Variants in MYT1L observed in about 807,000 individuals in gnomAD.
MYT1L encodes myelin transcription factor 1 like.
In MYT1L, 12 loss-of-function variants were observed where a neutral mutation model predicts 126.7. That is an observed-to-expected ratio of 0.09 (90% CI 0.06 to 0.15). The LOEUF is 0.15. MYT1L is among the 10% of genes least tolerant of loss of function. The pLI is 1.00. For synonymous variants in MYT1L, 541 were observed against 604.2 expected (o/e 0.90, Z 1.53); for missense variants, 979 against 1,585.2 (o/e 0.62, Z 6.49).
Position 2,098,084 on chromosome 2 carries a change from T to G in MYT1L, c.-303-43961A>C, listed in dbSNP as rs146882612. Among the ~76,000 whole-genome samples, 857 of 152,324 alleles carry G rather than the reference T, an allele frequency of 5.6e-3. 9 individuals carry two copies. The highest frequency in any genetic ancestry group is 0.02 in the African/African-American group (826 of 41,568). On this transcript the variant is annotated intron_variant, in intron 3 of 24. Coordinates refer to ENST00000647738, the MANE Select transcript of MYT1L (RefSeq NM_001303052.2). ...CCCTTACCAGGAGCATATGGTGCCA[T>G]GCTTGTGCAACCTGCAGAACCATGA...
At chr2:2,318,866 G>A (rs1375616309) in intron 1 of MYT1L, among the ~76,000 whole-genome samples, 1 of 152,132 alleles carries the variant, frequency 6.6e-6, no homozygotes, top group Non-Finnish European at 1.5e-5. Flanking sequence ...TGATGCCTGA[G>A]CTACTTAAAT....
At chr2:1,956,958 C>G (rs1192538833) in intron 8 of MYT1L, among the ~76,000 whole-genome samples, 1 of 152,212 alleles carries the variant, frequency 6.6e-6, no homozygotes, top group East Asian at 1.9e-4. Context: ...TTCAGTATCT[C>G]CATTCCATCT....
At chr2:1,884,566 G>T (rs2047945929) in intron 18 of MYT1L, among the ~76,000 whole-genome samples, 1 of 152,200 alleles carries the variant, frequency 6.6e-6, no homozygotes, top group African/African-American at 2.4e-5. Context: ...AAACATTAGT[G>T]TTTTTATAGA....
intron 4 of MYT1L, among the ~76,000 whole-genome samples, chr2:2,025,657 C>A (rs73913041): frequency 6.6e-6 from 1 of 152,146 alleles, no homozygotes; most frequent in African/African-American, 2.4e-5. Flanking sequence ...TTCCTGAGCA[C>A]GTGTGGTGCA....
chr2:2,071,223 G>C (rs2074557034), intron 3 of MYT1L, among the ~76,000 whole-genome samples: 1 of 152,140 alleles, frequency 6.6e-6, no homozygotes, highest in Non-Finnish European at 1.5e-5. Flanking sequence ...AAGAAATGTA[G>C]TTCTATTACC....
At chr2:2,109,149 C>T (rs1012380792) in intron 3 of MYT1L, among the ~76,000 whole-genome samples, 2 of 152,322 alleles carry the variant, frequency 1.3e-5, no homozygotes, top group Admixed American at 1.3e-4. Flanking sequence ...ATGGGAACAC[C>T]TTGATTGTGG....
intron 5 of MYT1L, among the ~76,000 whole-genome samples, chr2:1,994,445 C>G (rs557699461): frequency 1.3e-5 from 2 of 152,134 alleles, no homozygotes; most frequent in Admixed American, 1.3e-4. Flanking sequence ...CTCCTCCCAG[C>G]GAGTCCTCCT....
At position 1,979,535 on chromosome 2, in the gene MYT1L, T is replaced by G. The variant is rs1468146594; in HGVS notation, c.75A>C (p.Ile25=). The change falls in exon 7 of 25, where the codon ATA becomes ATC. Residue 25 remains isoleucine (I), a synonymous_variant. Transcript: ENST00000647738. The surrounding 1 kb of genome is among the most constrained non-coding windows in gnomAD (Gnocchi z 4.0). ...KGVRVPVEPA[I]QELFSCPTPG... Reference sequence around the variant, plus strand: ...ATGGCACTAACCTGAACAGCTCTTGTATGGCTGGTTCCACGGGAACTGCAG... The same window carrying G: ...ATGGCACTAACCTGAACAGCTCTTGGATGGCTGGTTCCACGGGAACTGCAG... 3.7e-6 allele frequency: 6 copies of G among 1,613,712 alleles called. No individual in the cohort carries two copies. Among genetic ancestry groups the G allele is most frequent in the Non-Finnish European group, 5.1e-6 (6 of 1,179,762 alleles).
chr2:1,959,786 C>T lies in MYT1L; in HGVS notation c.153-16452G>A, dbSNP rs567574487. Among the ~76,000 whole-genome samples the T allele has an allele frequency of 7.1e-4, 108 of 152,292 alleles. 1 individual carries two copies. The highest frequency in any genetic ancestry group is 9.1e-4 in the Non-Finnish European group (62 of 68,018). ...ATCAGCTCTCTTCCCGCATGGGACA[C>T]GGTCCTCTGTCCACAGTGCAGCCAC... On this transcript the variant is annotated intron_variant, in intron 8 of 24. Transcript: ENST00000647738.
chr2:1,978,131 GATTTTACTAAAGA>G (rs1438590013), intron 8 of MYT1L, among the ~76,000 whole-genome samples: 1 of 152,052 alleles, frequency 6.6e-6, no homozygotes, highest in Non-Finnish European at 1.5e-5. Context: ...TTTTTCCTTT[GATTTTACTAAAGA>G]ACAATCAAAA....
At chr2:2,025,997 G>A (rs921467860) in intron 4 of MYT1L, among the ~76,000 whole-genome samples, 2 of 152,298 alleles carry the variant, frequency 1.3e-5, no homozygotes, top group East Asian at 1.9e-4. Context: ...CCTCCTAATC[G>A]GTGCTTCAAA....
At chr2:2,206,259 C>A (rs1176498698) in intron 2 of MYT1L, among the ~76,000 whole-genome samples, 1 of 152,072 alleles carries the variant, frequency 6.6e-6, no homozygotes, top group East Asian at 1.9e-4. Context: ...ATTATAGGCA[C>A]GAGCCACCGT....
At chr2:1,897,293 G>C (rs2049721038) in intron 14 of MYT1L, among the ~76,000 whole-genome samples, 1 of 152,212 alleles carries the variant, frequency 6.6e-6, no homozygotes, top group African/African-American at 2.4e-5. Flanking sequence ...AATCAGCATT[G>C]CTCGGCTCAG....
intron 3 of MYT1L, among the ~76,000 whole-genome samples, chr2:2,148,243 T>A (rs2085195187): frequency 6.6e-6 from 1 of 152,222 alleles, no homozygotes; most frequent in African/African-American, 2.4e-5. Context: ...TCTTGGAAGA[T>A]CATTTTTCCA....
intron 3 of MYT1L, among the ~76,000 whole-genome samples, chr2:2,103,735 T>G (rs1176052705): frequency 6.6e-6 from 1 of 152,200 alleles, no homozygotes; most frequent in Admixed American, 6.5e-5. Context: ...ACTTATGCCC[T>G]GGGATGCTCC....
intron 8 of MYT1L, among the ~76,000 whole-genome samples, chr2:1,978,463 A>G (rs1168224308): frequency 6.6e-6 from 1 of 152,222 alleles, no homozygotes; most frequent in Admixed American, 6.5e-5. Flanking sequence ...CATCTAAAGG[A>G]CTGATGTGTA....
chr2:2,213,564 G>A (rs183688888), intron 2 of MYT1L, among the ~76,000 whole-genome samples: 7 of 152,322 alleles, frequency 4.6e-5, no homozygotes, highest in East Asian at 1.9e-4. Flanking sequence ...GCCTGTTCTC[G>A]TCAGCCAGGT....
intron 2 of MYT1L, among the ~76,000 whole-genome samples, chr2:2,269,996 T>C (rs1294811394): frequency 6.6e-6 from 1 of 152,194 alleles, no homozygotes; most frequent in African/African-American, 2.4e-5. Flanking sequence ...CTCTCCACAA[T>C]TCGTATCTTG....
intron 19 of MYT1L, among the ~76,000 whole-genome samples, chr2:1,850,969 T>C (rs750418609): frequency 3.9e-5 from 6 of 152,180 alleles, no homozygotes; most frequent in Non-Finnish European, 8.8e-5. Context: ...TTGAATAGTC[T>C]GGTGTACCAT....
Sources: gnomAD v4.1 joint callset for allele counts (sites outside exome capture counted in the v4.1 genomes callset) on GRCh38, gnomAD v4.1.1 for gene constraint, Gnocchi (gnomAD v3.1) non-coding constraint, MANE v1.5 for transcripts, NCBI Gene and HGNC (gene_info 2026-07-23, HGNC 2026-07-21) for gene names.